Variants in HERC5 observed in about 807,000 individuals in gnomAD.
HERC5 encodes the protein HECT and RLD domain containing E3 ubiquitin protein ligase 5.
HERC5 carries 99 observed loss-of-function variants against 119.6 expected under a neutral mutation model. The observed-to-expected ratio is 0.83, with a 90% CI of 0.70 to 0.98. The LOEUF is 0.98. Among genes scored for constraint, HERC5 ranks in the 50% least tolerant of loss-of-function variants. HERC5 has a pLI of 0.00. For missense variants in HERC5, 1,267 were observed against 1,241.3 expected, an observed-to-expected ratio of 1.02 and a Z score of -0.31; for synonymous variants, 478 against 445.9, an observed-to-expected ratio of 1.07 and a Z score of -0.91.
intron 5 of HERC5, 92 bp downstream of exon 5, chr4:88,463,715 TC>T: frequency 7.2e-7 from 1 of 1,380,436 alleles, no homozygotes; most frequent in South Asian, 1.2e-5. Context: ...GGTCATCACT[TC>T]CTGTATGTAG....
Position 88,479,420 on chromosome 4 carries a change from C to T in HERC5, c.1650C>T (p.Val550=), listed in dbSNP as rs751344156. The change falls in exon 13 of 23, where the codon GTC becomes GTT. Residue 550 remains valine, a synonymous_variant. Coordinates refer to ENST00000264350, the MANE Select transcript of HERC5 (RefSeq NM_016323.4). ...TGGTCCAGATGTTTAAAACAGCCGT[C>T]ATATGCCAGTTGGATTACTGGGATG... The part of the protein sequence containing the change: ...SKLVQMFKTA[V]ICQLDYWDES... 1 of 1,613,138 alleles carries T rather than the reference C, an allele frequency of 6.2e-7. No individual in the cohort carries two copies. Among genetic ancestry groups the T allele is most frequent in the Non-Finnish European group, 8.5e-7 (1 of 1,179,606 alleles).
In HERC5 at chr4:88,480,783, GT is replaced by G. The variant is rs199682964; in HGVS notation, c.1737+1279del. 6.5e-3 allele frequency among the ~76,000 whole-genome samples: 994 copies of G among 152,228 alleles called. 11 individuals carry two copies. Among genetic ancestry groups the G allele is most frequent in the African/African-American group, 0.023 (963 of 41,520 alleles). On this transcript the variant is annotated intron_variant, in intron 13 of 22. Coordinates refer to ENST00000264350, the MANE Select transcript of HERC5 (RefSeq NM_016323.4). ...CAAATGCACTAGAGCATATTTTCAT[GT>G]TTGTAATTGCAATATTTGTTTCCCC... is the stretch of plus-strand genomic sequence containing the variant.
At chr4:88,486,415 A>C (rs1741468142) in intron 14 of HERC5, among the ~76,000 whole-genome samples, 187 bp downstream of exon 14, 1 of 152,196 alleles carries the variant, frequency 6.6e-6, no homozygotes, top group Non-Finnish European at 1.5e-5. Flanking sequence ...GGAGATGACT[A>C]TGGGAGTATG....
chr4:88,476,803 C>T (rs1335553608), intron 12 of HERC5, among the ~76,000 whole-genome samples: 2 of 151,822 alleles, frequency 1.3e-5, no homozygotes, highest in African/African-American at 2.4e-5. Flanking sequence ...TGCCTGTAAT[C>T]CCAGCTACTC....
Position 88,504,340 on chromosome 4 carries a change from C to T in HERC5, c.2691C>T (p.Ile897=). The change falls in exon 21 of 23, where the codon ATC becomes ATT. Residue 897 remains isoleucine (I), a synonymous_variant. Transcript: ENST00000264350. The part of the protein sequence containing the change: ...GFYKMCDEDI[I]KLFHPEELKD... ...ATAAAATGTGCGACGAAGACATTAT[C>T]AAATTATTCCACCCCGAAGAACTGA... 6.2e-7 allele frequency: 1 copy of T among 1,612,676 alleles called. No individual in the cohort carries two copies. The highest frequency in any genetic ancestry group is 8.5e-7 in the Non-Finnish European group (1 of 1,179,014).
At position 88,494,141 on chromosome 4, in the gene HERC5, T is replaced by A. The variant is rs748693566; in HGVS notation, c.2278-24T>A. On this transcript the variant is annotated intron_variant, in intron 17 of 22. Transcript: ENST00000264350. ...GTACTGGTAAAAACTCATAATACTT[T>A]AAGATTTTTTTTTCGCTTTTCAGCC... The A allele has an allele frequency of 3.3e-6, 5 of 1,532,046 alleles. No individual in the cohort carries two copies. The African/African-American group carries it at 4.2e-5, about 13-fold the overall frequency. The allele number at this position is 1,532,046 out of a possible 1,614,324, so 94.9% of individuals were successfully genotyped here. A position where few individuals can be genotyped will look rare whatever the true frequency, so the allele number is the denominator to read the frequency against.
intron 11 of HERC5, 124 bp from the exon 12 acceptor site, chr4:88,475,717 A>C (rs1741041471): frequency 3.6e-6 from 3 of 824,290 alleles, no homozygotes; most frequent in Non-Finnish European, 5.9e-6. Context: ...TAGAAAACTC[A>C]ATGATTATTC....
intron 18 of HERC5, among the ~76,000 whole-genome samples, chr4:88,495,997 A>G (rs921281021): frequency 2.0e-5 from 3 of 152,242 alleles, no homozygotes; most frequent in Non-Finnish European, 4.4e-5. Context: ...ACATCTGTCA[A>G]TATTTACGGG....
chr4:88,460,128 T>G lies in HERC5; in HGVS notation c.423T>G (p.Ile141Met), dbSNP rs1740372497. 6.3e-7 allele frequency: 1 copy of G among 1,588,738 alleles called. No individual in the cohort carries two copies. The highest frequency in any genetic ancestry group is 8.6e-7 in the Non-Finnish European group (1 of 1,159,592). Residue 141 changes from isoleucine (I) to methionine (M), a missense_variant, in exon 3 of 23, where the codon ATT (isoleucine) becomes ATG (methionine). Around this residue, in one of 3 missense-constraint regions of HERC5, gnomAD observed 777 missense variants for 758.0 expected, o/e 1.03. Transcript: ENST00000264350. ...FESILQEKKI[I>M]QITCGDYHSL... is the part of the protein sequence containing the mutation. ...GCATTTTACAAGAAAAAAAAATAAT[T>G]CAGATCACATGTGGAGATTACCATT...
In HERC5 at chr4:88,457,463, T is replaced by G; in HGVS notation, c.194T>G (p.Val65Gly). The change falls in exon 1 of 23, where the codon GTC becomes GGC. Residue 65 changes from valine (V) to glycine (G), a missense_variant. Physicochemically the swap from Val to Gly is moderately radical, Grantham distance 109. Transcript: ENST00000264350. Reference protein sequence around the residue: ...QLCCSPGRLAVLERGGAGVQV... With the variant: ...QLCCSPGRLAGLERGGAGVQV... ...TGCTGCTCGCCGGGGCGCCTCGCGG[T>G]CTTGGAACGCGGCGGGGCGGGCGTC... 7.5e-7 allele frequency: 1 copy of G among 1,333,196 alleles called. No individual in the cohort carries two copies. The highest frequency in any genetic ancestry group is 9.6e-7 in the Non-Finnish European group (1 of 1,043,042). 82.6% of individuals were successfully genotyped at this position (1,333,196 alleles called of 1,614,324 possible). A position where few individuals can be genotyped will look rare whatever the true frequency, so the allele number is the denominator to read the frequency against.
rs112961590 is a variant in HERC5 at position 88,504,425 on chromosome 4, C to A, written c.2766+10C>A. 6.3e-7 allele frequency: 1 copy of A among 1,595,408 alleles called. No individual in the cohort carries two copies. The highest frequency in any genetic ancestry group is 1.7e-5 in the Admixed American group (1 of 58,188). Reference sequence around the variant, plus strand: ...GAAAACATTTGAAAAGGTACATCATCAAGTCTAAGTTGATTAAATTCAGTT... The same window carrying A: ...GAAAACATTTGAAAAGGTACATCATAAAGTCTAAGTTGATTAAATTCAGTT... On this transcript the variant is annotated intron_variant, in intron 21 of 22. Transcript: ENST00000264350.
chr4:88,461,991 G>A, intron 3 of HERC5, 144 bp from the exon 4 acceptor site: 1 of 672,786 alleles, frequency 1.5e-6, no homozygotes, highest in South Asian at 1.9e-5. Context: ...TTTTTCTGTG[G>A]CAGACATAGG....
intron 13 of HERC5, among the ~76,000 whole-genome samples, chr4:88,484,139 T>C (rs1741379956): frequency 6.6e-6 from 1 of 152,238 alleles, no homozygotes; most frequent in African/African-American, 2.4e-5. Context: ...CAAGTAGTAA[T>C]GTTTTTCATT....
At chr4:88,486,276 T>C (rs1176135135) in intron 14 of HERC5, 48 bp downstream of exon 14, 1 of 1,148,702 alleles carries the variant, frequency 8.7e-7, no homozygotes, top group Non-Finnish European at 1.3e-6. Flanking sequence ...AGTGAGTTAA[T>C]ACAGGCATTT....
intron 16 of HERC5, among the ~76,000 whole-genome samples, chr4:88,491,607 G>T (rs935585227): frequency 6.6e-6 from 1 of 152,166 alleles, no homozygotes; most frequent in East Asian, 1.9e-4. Flanking sequence ...AAGGAGATGA[G>T]ATATGAGAAA....
chr4:88,457,789 C>T, intron 1 of HERC5: 2 of 684,014 alleles, frequency 2.9e-6, no homozygotes, highest in Non-Finnish European at 2.0e-6. Context: ...GCGGGGCATG[C>T]GGGCACCGTC....
At chr4:88,467,980 A>G (rs920110026) in intron 7 of HERC5, 4 of 614,252 alleles carry the variant, frequency 6.5e-6, no homozygotes, top group Admixed American at 6.3e-5. Context: ...GGCTTAAAGT[A>G]CTTATATTCT....
intron 12 of HERC5, among the ~76,000 whole-genome samples, chr4:88,477,156 A>G (rs1293914676): frequency 7.1e-6 from 1 of 139,944 alleles, no homozygotes; most frequent in Non-Finnish European, 1.5e-5. Context: ...CTAAAAATAT[A>G]ATCAGTCAAT....
Position 88,465,317 on chromosome 4 carries a change from T to G in HERC5, c.911+1332T>G, listed in dbSNP as rs377081826. ...TTTTCCCCCATATACACTTATTCTT[T>G]TGGGCAGTTTTTCCCTCACTAAACG... is the stretch of plus-strand genomic sequence containing the variant. On this transcript the variant is annotated intron_variant, in intron 6 of 22. Transcript: ENST00000264350. Among the ~76,000 whole-genome samples, 8 of 152,340 alleles carry G rather than the reference T, an allele frequency of 5.3e-5. No homozygotes were observed. In the South Asian group the frequency reaches 1.0e-3, roughly 20 times the overall value.
Sources: allele counts gnomAD v4.1 joint callset (sites outside exome capture counted in the v4.1 genomes callset), GRCh38; gene constraint gnomAD v4.1.1; regional missense constraint gnomAD v4.1.1; transcripts MANE v1.5; gene names NCBI Gene and HGNC (gene_info 2026-07-23, HGNC 2026-07-21).